IRAG1: variants seen among roughly 807,000 people sequenced by gnomAD.
IRAG1 encodes the protein inositol 1,4,5-triphosphate receptor associated 1.
Under a neutral mutation model 106.2 loss-of-function variants are expected in IRAG1, and 62 were observed. The ratio of observed to expected loss-of-function variants is 0.58; its 90% CI spans 0.48 to 0.72. The LOEUF (loss-of-function observed/expected upper bound fraction) is 0.72, where lower values mean the gene tolerates loss of function less well. Ranked by LOEUF, IRAG1 falls within the 30% of genes least tolerant of loss-of-function variation. The pLI is 0.00. For missense variants in IRAG1, 1,064 were observed against 1,140.7 expected, an observed-to-expected ratio of 0.93 and a Z score of 0.97; for synonymous variants, 462 against 443.9, an observed-to-expected ratio of 1.04 and a Z score of -0.51.
rs71034776 is a variant in IRAG1, at chr11:10,616,290, C to CAA, written c.1448-6441_1448-6440dup. 4.6e-3 allele frequency among the ~76,000 whole-genome samples: 538 copies of CAA among 117,220 alleles called. 1 individual carries two copies. The highest frequency in any genetic ancestry group is 7.0e-3 in the Non-Finnish European group (390 of 55,422). 76.9% of individuals were successfully genotyped at this position (117,220 alleles called of 152,430 possible). On this transcript the variant is annotated intron_variant, in intron 10 of 20. Coordinates refer to ENST00000423302, the MANE Select transcript of IRAG1 (RefSeq NM_130385.4). Reference sequence around the variant, plus strand: ...CCTGGGTGACAGTGAGACTCCATCTCAAAAAAAAAAAAAAAGAAAAATCCA... The same window carrying CAA: ...CCTGGGTGACAGTGAGACTCCATCTCAAAAAAAAAAAAAAAAAGAAAAATCCA...
At chr11:10,651,813 A>G (rs1008503263) in intron 2 of IRAG1, among the ~76,000 whole-genome samples, 3 of 152,220 alleles carry the variant, frequency 2.0e-5, no homozygotes, top group Admixed American at 6.5e-5. Context: ...GGTTGGTTCT[A>G]TACCCAGAAT....
At chr11:10,669,730 C>A (rs1396459959) in intron 1 of IRAG1, among the ~76,000 whole-genome samples, 1 of 152,148 alleles carries the variant, frequency 6.6e-6, no homozygotes, top group Non-Finnish European at 1.5e-5. Context: ...AAAGTAGTTC[C>A]CCCCCTTACC....
chr11:10,686,801 A>G lies in IRAG1; in HGVS notation c.67+6735T>C, dbSNP rs146542752. Reference sequence around the variant, plus strand: ...GTTTGTTCACAAATACCTCCCTTGCATGGCTAAAGTACAGATTTGATGAGA... The same window carrying G: ...GTTTGTTCACAAATACCTCCCTTGCGTGGCTAAAGTACAGATTTGATGAGA... On this transcript the variant is annotated intron_variant, in intron 1 of 20. Coordinates refer to ENST00000423302, the MANE Select transcript of IRAG1 (RefSeq NM_130385.4). Among the ~76,000 whole-genome samples the G allele has an allele frequency of 5.4e-3, 818 of 152,332 alleles. 6 individuals carry two copies. The highest frequency in any genetic ancestry group is 0.016 in the African/African-American group (649 of 41,572).
At chr11:10,629,413 A>C (rs1238223483) in intron 5 of IRAG1, 125 bp downstream of exon 5, 1 of 960,104 alleles carries the variant, frequency 1.0e-6, no homozygotes, top group Non-Finnish European at 1.5e-6. Context: ...ACCTCTGCTG[A>C]GGAGAGCAGG....
intron 1 of IRAG1, 148 bp downstream of exon 1, chr11:10,693,388 G>A: frequency 7.2e-7 from 1 of 1,396,772 alleles, no homozygotes; most frequent in Non-Finnish European, 9.4e-7. Flanking sequence ...AAGATACTCA[G>A]CTGAAATGCC....
intron 11 of IRAG1, among the ~76,000 whole-genome samples, chr11:10,608,733 G>A (rs1025633706): frequency 6.6e-6 from 1 of 152,132 alleles, no homozygotes; most frequent in Admixed American, 6.5e-5. Flanking sequence ...ATATGCTCTA[G>A]AAACAAGTTC....
intron 1 of IRAG1, among the ~76,000 whole-genome samples, chr11:10,673,011 G>A (rs1005660687): frequency 2.6e-5 from 4 of 152,136 alleles, no homozygotes; most frequent in Non-Finnish European, 5.9e-5. Flanking sequence ...AGCCAGGCGC[G>A]GTGGCTCACA....
chr11:10,624,553 T>C (rs1042992558), intron 9 of IRAG1, among the ~76,000 whole-genome samples: 1 of 152,110 alleles, frequency 6.6e-6, no homozygotes, highest in African/African-American at 2.4e-5. Context: ...TCCTTGCCCC[T>C]GTGACTTATG....
chr11:10,642,824 G>C (rs1418750019), intron 2 of IRAG1, among the ~76,000 whole-genome samples: 1 of 152,198 alleles, frequency 6.6e-6, no homozygotes, highest in Non-Finnish European at 1.5e-5. Flanking sequence ...CCTTGGTAGA[G>C]AGGAGATCCA....
chr11:10,586,369 C>A (rs373168441), intron 18 of IRAG1, among the ~76,000 whole-genome samples: 38 of 151,670 alleles, frequency 2.5e-4, no homozygotes, highest in African/African-American at 8.7e-4. Context: ...GAAACCTTTG[C>A]TGGTGTTCTC....
At chr11:10,615,989 A>C (rs1855379700) in intron 10 of IRAG1, among the ~76,000 whole-genome samples, 2 of 105,704 alleles carry the variant, frequency 1.9e-5, no homozygotes, top group African/African-American at 5.5e-5. Context: ...ACCTTGTATA[A>C]TATACTACGA....
chr11:10,630,816 G>A (rs949461721), intron 4 of IRAG1, among the ~76,000 whole-genome samples: 3 of 152,180 alleles, frequency 2.0e-5, no homozygotes, highest in African/African-American at 7.2e-5. Context: ...CAGATCCTTG[G>A]TTTTCACTTG....
At chr11:10,681,371 G>A (rs1388306397) in intron 1 of IRAG1, among the ~76,000 whole-genome samples, 1 of 152,204 alleles carries the variant, frequency 6.6e-6, no homozygotes, top group Non-Finnish European at 1.5e-5. Flanking sequence ...CCCTTTAGCA[G>A]TAAATGTTTT....
intron 9 of IRAG1, among the ~76,000 whole-genome samples, chr11:10,625,325 G>C (rs778083884): frequency 6.6e-6 from 1 of 152,132 alleles, no homozygotes; most frequent in Admixed American, 6.5e-5. Flanking sequence ...GAATTGCTTT[G>C]TCCTGTTATC....
At chr11:10,655,913 T>G (rs1858885374) in intron 1 of IRAG1, among the ~76,000 whole-genome samples, 1 of 152,098 alleles carries the variant, frequency 6.6e-6, no homozygotes, top group Non-Finnish European at 1.5e-5. Context: ...CTTGACAAGA[T>G]GGAACCCCAG....
At chr11:10,691,120 C>T (rs2135284278) in intron 1 of IRAG1, among the ~76,000 whole-genome samples, 1 of 151,852 alleles carries the variant, frequency 6.6e-6, no homozygotes, top group African/African-American at 2.4e-5. Context: ...AGGCCCCCAC[C>T]TTGTGTTCTT....
At chr11:10,608,672 C>G (rs1438858186) in intron 11 of IRAG1, among the ~76,000 whole-genome samples, 1 of 152,120 alleles carries the variant, frequency 6.6e-6, no homozygotes, top group African/African-American at 2.4e-5. Flanking sequence ...AATCCTTTCC[C>G]CATTTTGAAA....
At chr11:10,654,703 G>A (rs1858787099) in intron 1 of IRAG1, among the ~76,000 whole-genome samples, 1 of 152,208 alleles carries the variant, frequency 6.6e-6, no homozygotes, top group Non-Finnish European at 1.5e-5. Flanking sequence ...GGTTACCTGT[G>A]GGAACTGGGA....
At chr11:10,689,117 AT>A (rs1861871755) in intron 1 of IRAG1, among the ~76,000 whole-genome samples, 1 of 152,254 alleles carries the variant, frequency 6.6e-6, no homozygotes, top group Admixed American at 6.5e-5. Flanking sequence ...GGAAAAAGCA[AT>A]ACCACTTACC....
Sources: gnomAD v4.1 joint callset for allele counts (sites outside exome capture counted in the v4.1 genomes callset) on GRCh38, gnomAD v4.1.1 for gene constraint, MANE v1.5 for transcripts, NCBI Gene and HGNC (gene_info 2026-07-23, HGNC 2026-07-21) for gene names.